UBR1: variants seen among roughly 807,000 people sequenced by gnomAD.
UBR1 encodes ubiquitin protein ligase E3 component n-recognin 1.
Under a neutral mutation model 242.1 loss-of-function variants are expected in UBR1, and 102 were observed. That is an observed-to-expected ratio of 0.42 (90% CI 0.36 to 0.50). The LOEUF (loss-of-function observed/expected upper bound fraction) is 0.50. Among genes scored for constraint, UBR1 ranks in the 20% least tolerant of loss-of-function variants. The probability of loss-of-function intolerance (pLI) is 0.01; values close to 1 mark genes in which losing one functional copy is unlikely to be tolerated. For missense variants in UBR1, 1,772 were observed against 2,101.8 expected, an observed-to-expected ratio of 0.84 and a Z score of 3.07; for synonymous variants, 675 against 684.8, an observed-to-expected ratio of 0.99 and a Z score of 0.22.
intron 4 of UBR1, among the ~76,000 whole-genome samples, chr15:43,071,276 T>G (rs1186753569): frequency 6.6e-6 from 1 of 152,194 alleles, no homozygotes; most frequent in Non-Finnish European, 1.5e-5. Flanking sequence ...TTCTCACAGC[T>G]TGTTTCCCCA....
chr15:43,055,980 A>G (rs2033613962), intron 11 of UBR1, among the ~76,000 whole-genome samples: 1 of 152,184 alleles, frequency 6.6e-6, no homozygotes, highest in African/African-American at 2.4e-5. Context: ...CTCTCCTCCC[A>G]GGCCTATGCA....
intron 46 of UBR1, among the ~76,000 whole-genome samples, chr15:42,948,303 C>T (rs200671548): frequency 6.6e-5 from 10 of 151,912 alleles, no homozygotes; most frequent in Admixed American, 2.6e-4. Flanking sequence ...AAGACTTAAA[C>T]GTTAGACCTA....
intron 10 of UBR1, among the ~76,000 whole-genome samples, chr15:43,057,299 G>T (rs545295679): frequency 6.6e-6 from 1 of 152,128 alleles, no homozygotes; most frequent in Non-Finnish European, 1.5e-5. Context: ...TAAAATCCAG[G>T]TAATGCAGGT....
chr15:42,954,676 C>T (rs968711879), intron 44 of UBR1, among the ~76,000 whole-genome samples: 2 of 152,120 alleles, frequency 1.3e-5, no homozygotes, highest in Admixed American at 1.3e-4. Flanking sequence ...AAGTGACTCT[C>T]GTGCCTCAGC....
At chr15:42,977,631 G>C (rs1338320318) in intron 38 of UBR1, among the ~76,000 whole-genome samples, 2 of 149,412 alleles carry the variant, frequency 1.3e-5, no homozygotes, top group African/African-American at 4.9e-5. Flanking sequence ...TGTCTGTACA[G>C]ACACCCACTA....
intron 19 of UBR1, among the ~76,000 whole-genome samples, chr15:43,033,219 A>G (rs565807146): frequency 7.2e-5 from 11 of 152,046 alleles, no homozygotes; most frequent in Non-Finnish European, 1.0e-4. Flanking sequence ...TTGATTTAGA[A>G]ATTTTATATG....
intron 1 of UBR1, among the ~76,000 whole-genome samples, chr15:43,089,365 G>A (rs2034080599): frequency 6.6e-6 from 1 of 151,570 alleles, no homozygotes; most frequent in Non-Finnish European, 1.5e-5. Context: ...CGTGGTGGTA[G>A]GCGCCTGTAG....
chr15:43,035,435 G>A (rs1220238029), intron 19 of UBR1, among the ~76,000 whole-genome samples: 1 of 152,058 alleles, frequency 6.6e-6, no homozygotes. Flanking sequence ...CTTTTGAGAA[G>A]TGTCTGTTCA....
intron 8 of UBR1, 106 bp downstream of exon 8, chr15:43,059,588 CAAAAAAAA>C (rs36021315): frequency 2.0e-6 from 2 of 1,012,274 alleles, no homozygotes; most frequent in Admixed American, 3.1e-5. Context: ...GTGTATAAAC[CAAAAAAAA>C]AAAAAAAAGA....
intron 27 of UBR1, among the ~76,000 whole-genome samples, chr15:43,019,621 C>T (rs1356829754): frequency 1.5e-5 from 2 of 135,978 alleles, no homozygotes; most frequent in East Asian, 2.2e-4. Flanking sequence ...TTCACTCTGT[C>T]GCCCAGGCTG....
chr15:43,089,973 G>A (rs2034088626), intron 1 of UBR1, among the ~76,000 whole-genome samples: 3 of 152,174 alleles, frequency 2.0e-5, no homozygotes, highest in Non-Finnish European at 4.4e-5. Context: ...ACATTTGTGG[G>A]AAAACTGATG....
chr15:43,033,799 A>G (rs1346898401), intron 19 of UBR1, among the ~76,000 whole-genome samples: 1 of 152,200 alleles, frequency 6.6e-6, no homozygotes, highest in Non-Finnish European at 1.5e-5. Context: ...CTGGTACTTC[A>G]AATATTCAAA....
At chr15:43,063,421 A>G (rs989462062) in intron 6 of UBR1, among the ~76,000 whole-genome samples, 10 of 152,204 alleles carry the variant, frequency 6.6e-5, no homozygotes, top group African/African-American at 2.4e-4. Context: ...GATAGCTCAC[A>G]GTAATCCTAC....
At chr15:43,026,460 A>G in intron 23 of UBR1, 101 bp downstream of exon 23, 1 of 903,026 alleles carries the variant, frequency 1.1e-6, no homozygotes, top group South Asian at 1.4e-5. Flanking sequence ...CTCTATTAAT[A>G]AGAACCAGCG....
intron 29 of UBR1, among the ~76,000 whole-genome samples, chr15:43,008,942 C>T (rs562762821): frequency 1.5e-4 from 23 of 152,304 alleles, no homozygotes; most frequent in African/African-American, 5.5e-4. Flanking sequence ...CTTTGGGTCC[C>T]TAGAGAGCTG....
At chr15:42,968,422 G>A (rs1343312477) in intron 40 of UBR1, among the ~76,000 whole-genome samples, 1 of 149,264 alleles carries the variant, frequency 6.7e-6, no homozygotes, top group Non-Finnish European at 1.5e-5. Context: ...ACAGGGTCTT[G>A]TAATGTTGCC....
At chr15:42,955,152 C>T (rs1039600604) in intron 44 of UBR1, among the ~76,000 whole-genome samples, 1 of 152,068 alleles carries the variant, frequency 6.6e-6, no homozygotes, top group Non-Finnish European at 1.5e-5. Context: ...GGCAACAGAG[C>T]GAGACTCTGT....
intron 2 of UBR1, among the ~76,000 whole-genome samples, chr15:43,083,959 G>T (rs922886715): frequency 1.3e-5 from 2 of 152,004 alleles, no homozygotes; most frequent in African/African-American, 4.8e-5. Context: ...CAGGAAAATT[G>T]CTTGAACCTG....
At position 43,009,558 on chromosome 15, in the gene UBR1, G is replaced by A. The variant is rs188083315; in HGVS notation, c.3210-2274C>T. On this transcript the variant is annotated intron_variant, in intron 29 of 46. Transcript: ENST00000290650. Reference sequence around the variant, plus strand: ...AAGACCAAGCAAAATTCTGGCAAAGGTGCCACTGGCCACAGAGGTTTCTGG... The same window carrying A: ...AAGACCAAGCAAAATTCTGGCAAAGATGCCACTGGCCACAGAGGTTTCTGG... Among the ~76,000 whole-genome samples, 389 of 152,342 alleles carry A rather than the reference G, an allele frequency of 2.6e-3. 1 individual carries two copies. The highest frequency in any genetic ancestry group is 9.0e-3 in the African/African-American group (375 of 41,586).
Sources: allele counts gnomAD v4.1 joint callset (sites outside exome capture counted in the v4.1 genomes callset), GRCh38; gene constraint gnomAD v4.1.1; transcripts MANE v1.5; gene names NCBI Gene and HGNC (gene_info 2026-07-23, HGNC 2026-07-21).